Variants in CAMTA1 observed in about 807,000 individuals in gnomAD.
The protein encoded by CAMTA1 is calmodulin-binding transcription activator 1.
A neutral mutation model predicts 170.9 loss-of-function variants in CAMTA1; 27 were observed. The observed-to-expected ratio is 0.16, with a 90% CI of 0.12 to 0.22. The LOEUF (loss-of-function observed/expected upper bound fraction) is 0.22. Among genes scored for constraint, CAMTA1 ranks in the 10% least tolerant of loss-of-function variants. CAMTA1 has a pLI of 1.00. For synonymous variants in CAMTA1, 833 were observed against 891.5 expected, an observed-to-expected ratio of 0.93 and a Z score of 1.17; for missense variants, 1,619 against 2,217.2, an observed-to-expected ratio of 0.73 and a Z score of 5.42.
intron 16 of CAMTA1, among the ~76,000 whole-genome samples, chr1:7,741,304 C>T (rs1253747576): frequency 2.6e-5 from 4 of 152,006 alleles, no homozygotes; most frequent in Admixed American, 1.3e-4. Context: ...TGGCTCACAC[C>T]TGTAATCCCA....
chr1:7,100,034 A>G (rs575255762), intron 4 of CAMTA1, among the ~76,000 whole-genome samples: 28 of 152,246 alleles, frequency 1.8e-4, no homozygotes, highest in African/African-American at 6.5e-4. Context: ...ATTGCCCCCT[A>G]TACAGATGTG....
chr1:7,504,858 C>T (rs2094074410), intron 6 of CAMTA1, among the ~76,000 whole-genome samples: 1 of 152,286 alleles, frequency 6.6e-6, no homozygotes, highest in Admixed American at 6.5e-5. Context: ...CTCAGAATGC[C>T]ATGCCCACCA....
chr1:7,246,982 C>T (rs918221479), intron 4 of CAMTA1, among the ~76,000 whole-genome samples: 2 of 152,172 alleles, frequency 1.3e-5, no homozygotes, highest in African/African-American at 4.8e-5. Context: ...AGTACGGCCT[C>T]ATTTTCTTTG....
At position 7,513,955 on chromosome 1, in the gene CAMTA1, A is replaced by C. The variant is rs140556844; in HGVS notation, c.510+46054A>C. 2.0e-5 allele frequency among the ~76,000 whole-genome samples: 3 copies of C among 152,088 alleles called. No homozygotes were observed. In the East Asian group the frequency reaches 5.8e-4, roughly 30 times the overall value. On this transcript the variant is annotated intron_variant, in intron 6 of 22. Coordinates refer to ENST00000303635, the MANE Select transcript of CAMTA1 (RefSeq NM_015215.4). ...CATACACACACACACACATACACACACACACACATACACACACAAACACCA... is the reference window on the plus strand; with the variant it reads ...CATACACACACACACACATACACACCCACACACATACACACACAAACACCA...
At chr1:7,137,517 C>T (rs1645612283) in intron 4 of CAMTA1, among the ~76,000 whole-genome samples, 1 of 152,170 alleles carries the variant, frequency 6.6e-6, no homozygotes, top group African/African-American at 2.4e-5. Flanking sequence ...ATCCCCCGCT[C>T]CAGGCCCTGG....
chr1:7,399,246 C>T (rs186380373), intron 5 of CAMTA1, among the ~76,000 whole-genome samples: 256 of 152,258 alleles, frequency 1.7e-3, no homozygotes, highest in African/African-American at 6.1e-3. Context: ...TTTAAAATAG[C>T]CTGGCACCTT....
At chr1:7,478,334 G>T (rs2093456742) in intron 6 of CAMTA1, among the ~76,000 whole-genome samples, 1 of 152,210 alleles carries the variant, frequency 6.6e-6, no homozygotes, top group African/African-American at 2.4e-5. Flanking sequence ...CTGGTGTCTG[G>T]CTGAGTGAGA....
Position 7,276,293 on chromosome 1 carries a change from ATATATATATATTTTT to A in CAMTA1, c.438+26669_438+26683del, listed in dbSNP as rs1310329783. ...TACACCTGATCATATATATATATATATATATATATATTTTTTTTTTTTTTTTTTCTTTTTGAGACA... is the reference window on the plus strand; with the variant it reads ...TACACCTGATCATATATATATATATATTTTTTTTTTTTTCTTTTTGAGACA... On this transcript the variant is annotated intron_variant, in intron 5 of 22. Coordinates refer to ENST00000303635, the MANE Select transcript of CAMTA1 (RefSeq NM_015215.4). 2.8e-3 allele frequency among the ~76,000 whole-genome samples: 61 copies of A among 22,052 alleles called. 1 individual carries two copies. The highest frequency in any genetic ancestry group is 0.021 in the East Asian group (12 of 574). The allele number at this position is 22,052 out of a possible 152,430, so 14.5% of individuals were successfully genotyped here. A position where few individuals can be genotyped will look rare whatever the true frequency, so the allele number is the denominator to read the frequency against.
chr1:7,430,756 C>T (rs2092119915), intron 5 of CAMTA1, among the ~76,000 whole-genome samples: 1 of 152,178 alleles, frequency 6.6e-6, no homozygotes, highest in South Asian at 2.1e-4. Context: ...CTGGAGAGGC[C>T]TCTATTTCTG....
At chr1:7,156,119 C>CAA (rs200380795) in intron 4 of CAMTA1, among the ~76,000 whole-genome samples, 6 of 134,786 alleles carry the variant, frequency 4.5e-5, no homozygotes, top group South Asian at 2.4e-4. Flanking sequence ...ACAAAAAATA[C>CAA]AAAAAAAAAA....
At chr1:7,451,334 C>A (rs2092819844) in intron 5 of CAMTA1, among the ~76,000 whole-genome samples, 1 of 152,180 alleles carries the variant, frequency 6.6e-6, no homozygotes, top group Non-Finnish European at 1.5e-5. Context: ...TGGCCCCAGG[C>A]AGCTCAGCCC....
chr1:7,647,503 G>C (rs562621405), intron 7 of CAMTA1, among the ~76,000 whole-genome samples: 1 of 152,154 alleles, frequency 6.6e-6, no homozygotes, highest in African/African-American at 2.4e-5. Flanking sequence ...GCTTGCAGGC[G>C]GGGGCCTGTC....
At chr1:7,040,686 T>A (rs1309740657) in intron 3 of CAMTA1, among the ~76,000 whole-genome samples, 7 of 151,450 alleles carry the variant, frequency 4.6e-5, no homozygotes, top group African/African-American at 1.7e-4. Flanking sequence ...AATAAAACCC[T>A]GACCTAGGAC....
At chr1:7,315,992 C>A (rs899987001) in intron 5 of CAMTA1, among the ~76,000 whole-genome samples, 4 of 152,148 alleles carry the variant, frequency 2.6e-5, no homozygotes, top group Non-Finnish European at 4.4e-5. Context: ...ACAATCATGG[C>A]GGAAGGCTAA....
intron 3 of CAMTA1, among the ~76,000 whole-genome samples, chr1:6,940,839 G>T (rs978360378): frequency 7.3e-6 from 1 of 137,540 alleles, no homozygotes; most frequent in Non-Finnish European, 1.6e-5. Context: ...TGCCAAGGCC[G>T]GGCTCAGCAC....
chr1:6,909,229 T>G (rs1212654242), intron 3 of CAMTA1, among the ~76,000 whole-genome samples: 1 of 152,282 alleles, frequency 6.6e-6, no homozygotes, highest in East Asian at 1.9e-4. Flanking sequence ...TTTTAATAAT[T>G]TAGATGAAAG....
chr1:6,976,591 C>T (rs963863078), intron 3 of CAMTA1, among the ~76,000 whole-genome samples: 7 of 152,108 alleles, frequency 4.6e-5, no homozygotes, highest in African/African-American at 1.7e-4. Context: ...CTGTGATGGA[C>T]CCTAGGTGAG....
chr1:7,083,698 A>G (rs1406478226), intron 3 of CAMTA1, among the ~76,000 whole-genome samples: 1 of 152,180 alleles, frequency 6.6e-6, no homozygotes, highest in Non-Finnish European at 1.5e-5. Flanking sequence ...TTTTTTGTCA[A>G]GTGCAGCGAG....
At chr1:7,357,655 A>T (rs140163297) in intron 5 of CAMTA1, among the ~76,000 whole-genome samples, 59 of 150,150 alleles carry the variant, frequency 3.9e-4, no homozygotes, top group African/African-American at 1.4e-3. Context: ...CTGGAAAGCC[A>T]TAGAAGAGTT....
Sources: allele counts gnomAD v4.1 joint callset (sites outside exome capture counted in the v4.1 genomes callset), GRCh38; gene constraint gnomAD v4.1.1; transcripts MANE v1.5; gene names NCBI Gene and HGNC (gene_info 2026-07-23, HGNC 2026-07-21).